Variants in TBC1D32 observed in about 807,000 individuals in gnomAD.
TBC1D32 encodes protein broad-minded.
In TBC1D32, 151 loss-of-function variants were observed where a neutral mutation model predicts 170.3. The observed-to-expected ratio is 0.89, with a 90% CI of 0.78 to 1.01. The LOEUF is 1.01. Among genes scored for constraint, TBC1D32 ranks in the 50% least tolerant of loss-of-function variants. The probability of loss-of-function intolerance (pLI) is 0.00; values close to 1 mark genes in which losing one functional copy is unlikely to be tolerated. For synonymous variants in TBC1D32, 498 were observed against 488.0 expected, an observed-to-expected ratio of 1.02 and a Z score of -0.27; for missense variants, 1,464 against 1,457.1, an observed-to-expected ratio of 1.00 and a Z score of -0.08.
At chr6:121,322,962 T>A (rs1809952747) in intron 1 of TBC1D32, among the ~76,000 whole-genome samples, 1 of 151,954 alleles carries the variant, frequency 6.6e-6, no homozygotes, top group Admixed American at 6.6e-5. Context: ...TTATCCTTCC[T>A]ATAATTCGCC....
intron 24 of TBC1D32, among the ~76,000 whole-genome samples, chr6:121,137,774 A>G (rs1223311756): frequency 1.3e-5 from 2 of 151,988 alleles, no homozygotes; most frequent in East Asian, 3.8e-4. Flanking sequence ...TAGTTCTTTC[A>G]TTTCAAGGGG....
intron 20 of TBC1D32, among the ~76,000 whole-genome samples, chr6:121,236,689 A>ACG (rs1583333847): frequency 6.6e-6 from 1 of 152,102 alleles, no homozygotes; most frequent in East Asian, 1.9e-4. Context: ...AAGTCAAACA[A>ACG]ATTGAATAAA....
chr6:121,136,602 T>G (rs75274417), intron 24 of TBC1D32, among the ~76,000 whole-genome samples: 1,875 of 152,212 alleles, frequency 0.012, 108 homozygotes, highest in Admixed American at 0.093. Flanking sequence ...TGAGAAGCCC[T>G]GACTTATAGT....
intron 15 of TBC1D32, among the ~76,000 whole-genome samples, chr6:121,259,316 A>G (rs78179210): frequency 0.033 from 4,971 of 152,092 alleles, 188 homozygotes; most frequent in East Asian, 0.12. Flanking sequence ...AAACAAAATA[A>G]AAAGAACCCA....
intron 8 of TBC1D32, 142 bp downstream of exon 8, chr6:121,304,223 G>GAAAAAA: frequency 3.2e-6 from 2 of 633,652 alleles, no homozygotes; most frequent in Non-Finnish European, 2.5e-6. Context: ...ACAAGCTGAA[G>GAAAAAA]AAAAATAAAA....
At chr6:121,185,810 C>T (rs1231501844) in intron 22 of TBC1D32, among the ~76,000 whole-genome samples, 1 of 152,054 alleles carries the variant, frequency 6.6e-6, no homozygotes, top group South Asian at 2.1e-4. Context: ...AAAAGTAAGG[C>T]ACTGAGCAAA....
intron 21 of TBC1D32, among the ~76,000 whole-genome samples, chr6:121,216,767 T>C (rs1583258497): frequency 6.6e-6 from 1 of 152,248 alleles, no homozygotes; most frequent in Non-Finnish European, 1.5e-5. Flanking sequence ...AGAGATTCTG[T>C]CTCCTGGCTT....
chr6:121,132,713 T>C (rs1328377010), intron 24 of TBC1D32, among the ~76,000 whole-genome samples: 1 of 151,958 alleles, frequency 6.6e-6, no homozygotes, highest in Non-Finnish European at 1.5e-5. Context: ...AAGAAAGTAT[T>C]TATGGCTAAA....
chr6:121,146,613 G>A (rs774660450), intron 24 of TBC1D32, among the ~76,000 whole-genome samples: 1 of 152,124 alleles, frequency 6.6e-6, no homozygotes, highest in Non-Finnish European at 1.5e-5. Context: ...ACACCATACT[G>A]GGTATACTGG....
chr6:121,300,378 C>G (rs1308175345), intron 9 of TBC1D32, among the ~76,000 whole-genome samples: 1 of 152,006 alleles, frequency 6.6e-6, no homozygotes, highest in Non-Finnish European at 1.5e-5. Context: ...ACCCAGGAGG[C>G]AGATGTTGCA....
chr6:121,142,333 G>A lies in TBC1D32; in HGVS notation c.2774-10581C>T, dbSNP rs576729239. ...TAACCTTGTGAGTCAGCGCCACTTC[G>A]GATGTTCTATTGGTCTCATTAGTAG... On this transcript the variant is annotated intron_variant, in intron 24 of 31. Coordinates refer to ENST00000398212, the MANE Select transcript of TBC1D32 (RefSeq NM_152730.6). Among the ~76,000 whole-genome samples, 10 of 152,320 alleles carry A rather than the reference G, an allele frequency of 6.6e-5. No individual in the cohort carries two copies. In the East Asian group the frequency reaches 7.7e-4, roughly 12 times the overall value.
intron 22 of TBC1D32, among the ~76,000 whole-genome samples, chr6:121,193,005 G>T (rs1790270623): frequency 6.6e-6 from 1 of 152,168 alleles, no homozygotes; most frequent in African/African-American, 2.4e-5. Flanking sequence ...CTAGAGGTGA[G>T]ATTGAGATTG....
intron 21 of TBC1D32, among the ~76,000 whole-genome samples, chr6:121,209,194 C>G (rs975357504): frequency 2.6e-5 from 4 of 151,178 alleles, no homozygotes; most frequent in African/African-American, 9.7e-5. Flanking sequence ...ATAAGCTATA[C>G]TAATACTGTA....
chr6:121,206,433 G>C (rs1016206183), intron 21 of TBC1D32, among the ~76,000 whole-genome samples: 2 of 152,058 alleles, frequency 1.3e-5, no homozygotes, highest in Non-Finnish European at 2.9e-5. Flanking sequence ...AGGGAGTAAA[G>C]TCACATAATA....
At chr6:121,302,133 T>C (rs1477921455) in intron 9 of TBC1D32, among the ~76,000 whole-genome samples, 1 of 152,214 alleles carries the variant, frequency 6.6e-6, no homozygotes, top group Non-Finnish European at 1.5e-5. Flanking sequence ...CCTCATAGTA[T>C]ATCTCTTAGA....
At chr6:121,175,195 C>CT (rs1192712442) in intron 22 of TBC1D32, among the ~76,000 whole-genome samples, 1 of 152,102 alleles carries the variant, frequency 6.6e-6, no homozygotes, top group Non-Finnish European at 1.5e-5. Flanking sequence ...TAGGGAGACA[C>CT]TTTTCTTTCT....
intron 19 of TBC1D32, among the ~76,000 whole-genome samples, chr6:121,240,877 C>CAAAAAAAAAAAAAAAAA (rs35249678): frequency 1.2e-5 from 1 of 84,214 alleles, no homozygotes; most frequent in Non-Finnish European, 2.1e-5. Context: ...TTCTGTCTCA[C>CAAAAAAAAAAAAAAAAA]AAAAAAAAAA....
chr6:121,251,386 C>T (rs1345290703), intron 17 of TBC1D32, among the ~76,000 whole-genome samples: 1 of 151,952 alleles, frequency 6.6e-6, no homozygotes, highest in Admixed American at 6.6e-5. Flanking sequence ...GAACAGAGGC[C>T]TCAGAGATAA....
intron 30 of TBC1D32, among the ~76,000 whole-genome samples, chr6:121,103,247 G>T (rs1335893472): frequency 6.6e-6 from 1 of 151,982 alleles, no homozygotes; most frequent in Non-Finnish European, 1.5e-5. Context: ...TATACTGAAA[G>T]GATTATAAAT....
Sources: allele counts gnomAD v4.1 joint callset (sites outside exome capture counted in the v4.1 genomes callset), GRCh38; gene constraint gnomAD v4.1.1; transcripts MANE v1.5; gene names NCBI Gene and HGNC (gene_info 2026-07-23, HGNC 2026-07-21).